Variants in CNTN1 observed in about 807,000 individuals in gnomAD.
The protein encoded by CNTN1 is contactin 1.
CNTN1 carries 38 observed loss-of-function variants against 126.4 expected under a neutral mutation model. The ratio of observed to expected loss-of-function variants is 0.30; its 90% confidence interval spans 0.23 to 0.39. The LOEUF (loss-of-function observed/expected upper bound fraction) is 0.39, where lower values mean the gene tolerates loss of function less well. Ranked by LOEUF, CNTN1 falls within the 10% of genes least tolerant of loss-of-function variation. The pLI is 1.00. For synonymous variants in CNTN1, 413 were observed against 422.6 expected, an observed-to-expected ratio of 0.98 and a Z score of 0.28; for missense variants, 1,009 against 1,248.4, an observed-to-expected ratio of 0.81 and a Z score of 2.89.
chr12:41,031,425 T>G (rs1310533474), intron 23 of CNTN1, among the ~76,000 whole-genome samples: 1 of 152,190 alleles, frequency 6.6e-6, no homozygotes. Context: ...TATAATATAG[T>G]AAAATATTAA....
At chr12:40,759,211 C>A (rs1009881203) in intron 1 of CNTN1, among the ~76,000 whole-genome samples, 1 of 151,824 alleles carries the variant, frequency 6.6e-6, no homozygotes, top group Admixed American at 6.6e-5. Context: ...GTCAAGTATT[C>A]AGGTTTTATA....
chr12:41,063,547 C>G (rs763450640), intron 23 of CNTN1, among the ~76,000 whole-genome samples: 1 of 152,150 alleles, frequency 6.6e-6, no homozygotes, highest in South Asian at 2.1e-4. Flanking sequence ...TCTTTTGCTC[C>G]TGGATCCACA....
chr12:40,893,293 ACT>A (rs912520901), intron 1 of CNTN1, among the ~76,000 whole-genome samples: 12 of 152,204 alleles, frequency 7.9e-5, no homozygotes, highest in African/African-American at 2.9e-4. Flanking sequence ...GACATATCAA[ACT>A]CAAAATTGAT....
Position 40,969,367 on chromosome 12 carries a change from T to C in CNTN1, c.1804+10133T>C, listed in dbSNP as rs138281039. 2.5e-3 allele frequency among the ~76,000 whole-genome samples: 386 copies of C among 152,258 alleles called. 1 individual carries two copies. The highest frequency in any genetic ancestry group is 8.7e-3 in the African/African-American group (360 of 41,582). On this transcript the variant is annotated intron_variant, in intron 15 of 23. Coordinates refer to ENST00000551295, the MANE Select transcript of CNTN1 (RefSeq NM_001843.4). ...TTTTAGTGCTTTTGAATTCCTACAA[T>C]AGCTTCTCCAACTCTAATTGTCACT...
chr12:40,963,637 C>T lies in CNTN1; in HGVS notation c.1804+4403C>T, dbSNP rs145854003. ...AATATGTTGCCTTATATTGCCTTAGCTTTAAAATAAGAACCAGGTATTACA... is the reference window on the plus strand; with the variant it reads ...AATATGTTGCCTTATATTGCCTTAGTTTTAAAATAAGAACCAGGTATTACA... On this transcript the variant is annotated intron_variant, in intron 15 of 23. Coordinates refer to ENST00000551295, the MANE Select transcript of CNTN1 (RefSeq NM_001843.4). 2.4e-3 allele frequency among the ~76,000 whole-genome samples: 369 copies of T among 152,002 alleles called. 1 individual carries two copies. Among genetic ancestry groups the T allele is most frequent in the African/African-American group, 8.6e-3 (356 of 41,500 alleles).
chr12:40,891,563 G>A lies in CNTN1; in HGVS notation c.-76-16794G>A, dbSNP rs573408283. Among the ~76,000 whole-genome samples, 10 of 152,204 alleles carry A rather than the reference G, an allele frequency of 6.6e-5. No individual in the cohort carries two copies. The South Asian group carries it at 2.1e-3, about 32-fold the overall frequency. The stretch of plus-strand genomic sequence containing the variant: ...CTCATTTTGAGTTAGTTTTTGTGAA[G>A]AGTGTAAGGTACGTAGCTAAATTTT... On this transcript the variant is annotated intron_variant, in intron 1 of 23. Coordinates refer to ENST00000551295, the MANE Select transcript of CNTN1 (RefSeq NM_001843.4).
chr12:40,848,095 C>T (rs764969609), intron 1 of CNTN1, among the ~76,000 whole-genome samples: 3 of 152,164 alleles, frequency 2.0e-5, no homozygotes, highest in African/African-American at 4.8e-5. Context: ...CCATACCACT[C>T]GGCAGCCTGG....
chr12:40,839,438 C>T (rs1253470430), intron 1 of CNTN1, among the ~76,000 whole-genome samples: 4 of 152,120 alleles, frequency 2.6e-5, no homozygotes, highest in African/African-American at 9.7e-5. Context: ...TAGCAATCCC[C>T]AGGTTGATAA....
intron 1 of CNTN1, among the ~76,000 whole-genome samples, chr12:40,815,682 C>T (rs764903635): frequency 5.3e-5 from 8 of 152,098 alleles, no homozygotes; most frequent in Non-Finnish European, 1.0e-4. Flanking sequence ...ACTTCCAATT[C>T]TATGTTGAAT....
intron 15 of CNTN1, among the ~76,000 whole-genome samples, chr12:40,961,375 C>A (rs1188454042): frequency 6.6e-6 from 1 of 151,874 alleles, no homozygotes; most frequent in African/African-American, 2.4e-5. Context: ...TATAGATGTT[C>A]TAATATGCTT....
rs777953120 is a variant in CNTN1, at chr12:40,822,148, C to CTTTTTTTTTTTTTTTTTTTTTTTTTTTT, written c.-76-86185_-76-86184insTTTTTTTTTTTTTTTTTTTTTTTTTTTT. Among the ~76,000 whole-genome samples the CTTTTTTTTTTTTTTTTTTTTTTTTTTTT allele has an allele frequency of 1.0e-3, 48 of 47,266 alleles. 5 individuals are homozygous for CTTTTTTTTTTTTTTTTTTTTTTTTTTTT. Among genetic ancestry groups the CTTTTTTTTTTTTTTTTTTTTTTTTTTTT allele is most frequent in the Non-Finnish European group, 1.5e-3 (35 of 23,478 alleles). 31.0% of individuals were successfully genotyped at this position (47,266 alleles called of 152,430 possible). ...TTTCCAGTCTAGACAAAATATAAAT[C>CTTTTTTTTTTTTTTTTTTTTTTTTTTTT]TTTTTTTTTTTTTTTTTTTTTTTTG... On this transcript the variant is annotated intron_variant, in intron 1 of 23. Coordinates refer to ENST00000551295, the MANE Select transcript of CNTN1 (RefSeq NM_001843.4).
At chr12:40,987,081 T>C (rs539098258) in intron 16 of CNTN1, among the ~76,000 whole-genome samples, 2 of 152,290 alleles carry the variant, frequency 1.3e-5, no homozygotes, top group Admixed American at 1.3e-4. Flanking sequence ...TTGTTTTTGT[T>C]AGTGTACTAG....
chr12:41,020,484 A>G (rs1367267739), intron 20 of CNTN1, 44 bp downstream of exon 20: 3 of 1,212,474 alleles, frequency 2.5e-6, no homozygotes, highest in Non-Finnish European at 1.2e-6. Flanking sequence ...ATTCATAAAT[A>G]TATAAGCATA....
chr12:41,006,410 C>A (rs1948495006), intron 17 of CNTN1, among the ~76,000 whole-genome samples: 2 of 152,142 alleles, frequency 1.3e-5, no homozygotes, highest in Non-Finnish European at 2.9e-5. Context: ...GAGCAGAGGA[C>A]CCCTGCTGGA....
At chr12:40,777,031 G>T (rs1460845500) in intron 1 of CNTN1, among the ~76,000 whole-genome samples, 2 of 151,294 alleles carry the variant, frequency 1.3e-5, no homozygotes, top group East Asian at 1.9e-4. Flanking sequence ...TATAAAAATG[G>T]CATCCCAAAC....
intron 14 of CNTN1, among the ~76,000 whole-genome samples, chr12:40,949,299 TAA>T (rs1946566539): frequency 6.6e-6 from 1 of 151,564 alleles, no homozygotes; most frequent in Admixed American, 6.6e-5. Flanking sequence ...TTATATACTT[TAA>T]GTTTTAGGGT....
chr12:40,744,918 T>A (rs1268226613), intron 1 of CNTN1, among the ~76,000 whole-genome samples: 1 of 152,166 alleles, frequency 6.6e-6, no homozygotes, highest in Admixed American at 6.6e-5. Flanking sequence ...ATTTATTTTA[T>A]GTGTTTATTT....
rs1444336925 is a variant in CNTN1, at chr12:40,963,459, A to G, written c.1804+4225A>G. ...ACCCCTTTAAGACAGGGGTTTGTATAATATACCTGAAGGAATTTAGAACTT... is the reference window on the plus strand; with the variant it reads ...ACCCCTTTAAGACAGGGGTTTGTATGATATACCTGAAGGAATTTAGAACTT... On this transcript the variant is annotated intron_variant, in intron 15 of 23. Transcript: ENST00000551295. Among the ~76,000 whole-genome samples, 2 of 152,044 alleles carry G rather than the reference A, an allele frequency of 1.3e-5. 1 individual carries two copies. Among genetic ancestry groups the G allele is most frequent in the Non-Finnish European group, 2.9e-5 (2 of 67,998 alleles).
chr12:40,774,668 C>T (rs975699186), intron 1 of CNTN1, among the ~76,000 whole-genome samples: 1 of 151,578 alleles, frequency 6.6e-6, no homozygotes, highest in Non-Finnish European at 1.5e-5. Flanking sequence ...ACAGAAATCA[C>T]ACACTTAACT....
Sources: gnomAD v4.1 joint callset for allele counts (sites outside exome capture counted in the v4.1 genomes callset) on GRCh38, gnomAD v4.1.1 for gene constraint, MANE v1.5 for transcripts, NCBI Gene and HGNC (gene_info 2026-07-23, HGNC 2026-07-21) for gene names.